Variants in GPR75 observed in about 807,000 individuals in gnomAD.
The protein encoded by GPR75 is probable G protein-coupled receptor 75.
In GPR75, 27 loss-of-function variants were observed where a neutral mutation model predicts 26.0. That is an observed-to-expected ratio of 1.04 (90% CI 0.77 to 1.43). GPR75 has a LOEUF of 1.43. GPR75 is among the 40% of genes most tolerant of loss of function. The pLI is 0.00. For synonymous variants in GPR75, 285 were observed against 256.3 expected, an observed-to-expected ratio of 1.11 and a Z score of -1.07; for missense variants, 699 against 662.3, an observed-to-expected ratio of 1.06 and a Z score of -0.61.
Position 53,853,910 on chromosome 2 carries a change from C to T in GPR75, c.847G>A (p.Val283Ile), listed in dbSNP as rs146624982. The T allele has an allele frequency of 1.5e-5, 25 of 1,613,890 alleles. No homozygotes were observed. Among genetic ancestry groups the T allele is most frequent in the African/African-American group, 9.3e-5 (7 of 74,872 alleles). The change falls in exon 2 of 2, where the codon GTT (valine) becomes ATT (isoleucine). Residue 283 changes from valine (V) to isoleucine (I), a missense_variant. By Grantham distance (29) the Val-to-Ile change is conservative. Transcript: ENST00000394705. ...RNQNYNKLQH[V>I]QTRGYTKSPN... is the part of the protein sequence containing the mutation. ...CTCTTGGTATATCCACGGGTCTGAA[C>T]GTGCTGCAGTTTGTTGTAATTCTGG...
At chr2:53,856,824 C>A (rs555412830) in intron 1 of GPR75, among the ~76,000 whole-genome samples, 1 of 152,162 alleles carries the variant, frequency 6.6e-6, no homozygotes, top group Non-Finnish European at 1.5e-5. Flanking sequence ...AGAAGAAAAT[C>A]CTGAACTTTT....
At chr2:53,858,685 T>C (rs573674905) in intron 1 of GPR75, among the ~76,000 whole-genome samples, 7 of 152,136 alleles carry the variant, frequency 4.6e-5, no homozygotes, top group Non-Finnish European at 7.4e-5. Context: ...GCTGTGACCA[T>C]AATTTGGAAT....
At chr2:53,855,057 G>A (rs1678191924) in intron 1 of GPR75, among the ~76,000 whole-genome samples, 192 bp from the exon 2 acceptor site, 1 of 151,972 alleles carries the variant, frequency 6.6e-6, no homozygotes, top group African/African-American at 2.4e-5. Flanking sequence ...CTGTGCTCAA[G>A]CAGTCCTCCT....
intron 1 of GPR75, among the ~76,000 whole-genome samples, chr2:53,857,920 A>T (rs1451332517): frequency 1.3e-5 from 2 of 152,186 alleles, no homozygotes; most frequent in African/African-American, 4.8e-5. Flanking sequence ...TCAGGAAATA[A>T]CAATGGCAGT....
In GPR75 at chr2:53,854,040, G is replaced by A; in HGVS notation, c.717C>T (p.Pro239=). 6.2e-7 allele frequency: 1 copy of A among 1,614,210 alleles called. No homozygotes were observed. The highest frequency in any genetic ancestry group is 8.5e-7 in the Non-Finnish European group (1 of 1,180,046). ...LRKNAQVRKC[P]PVITVDASRP... ...TGGAAGCATCGACTGTGATTACAGG[G>A]GGGCACTTTCTGACTTGAGCGTTCT... The change falls in exon 2 of 2, where the codon CCC becomes CCT. Residue 239 remains proline, a synonymous_variant. Coordinates refer to ENST00000394705, the MANE Select transcript of GPR75 (RefSeq NM_006794.4).
At chr2:53,854,953 A>G (rs2104393831) in intron 1 of GPR75, 88 bp from the exon 2 acceptor site, 1 of 581,588 alleles carries the variant, frequency 1.7e-6, no homozygotes, top group East Asian at 2.8e-5. Context: ...TATTAGTAGT[A>G]GTATTAGTAC....
In GPR75 at chr2:53,853,216, G is replaced by T. The variant is rs949945050; in HGVS notation, c.1541C>A (p.Ala514Asp). ...GTCATTAGTGGTGTGATAATGCATG[G>T]CAATATATGAATTGGCAAATCCAAA... ...NSFGFANSYI[A>D]MHYHTTNDLV... Residue 514 changes from alanine (A) to aspartate (D), a missense_variant, in exon 2 of 2, where the codon GCC becomes GAC. Ala to Asp is a moderately radical substitution (Grantham distance 126). Transcript: ENST00000394705. 8 of 1,613,430 alleles carry T rather than the reference G, an allele frequency of 5.0e-6. No homozygotes were observed. The African/African-American group carries it at 1.1e-4, about 22-fold the overall frequency.
At chr2:53,856,163 T>C (rs748372969) in intron 1 of GPR75, among the ~76,000 whole-genome samples, 1 of 152,220 alleles carries the variant, frequency 6.6e-6, no homozygotes, top group Non-Finnish European at 1.5e-5. Flanking sequence ...CAGTCTCTAC[T>C]TTAAAAGAAT....
chr2:53,856,988 G>T (rs1009112515), intron 1 of GPR75, among the ~76,000 whole-genome samples: 2 of 105,394 alleles, frequency 1.9e-5, no homozygotes, highest in African/African-American at 7.5e-5. Flanking sequence ...ACGGAGTCTC[G>T]CTCTGTCGCC....
rs1313386199 is a variant in GPR75, at chr2:53,854,164, C to G, written c.593G>C (p.Gly198Ala). 6.2e-7 allele frequency: 1 copy of G among 1,614,130 alleles called. No individual in the cohort carries two copies. Among genetic ancestry groups the G allele is most frequent in the Non-Finnish European group, 8.5e-7 (1 of 1,180,032 alleles). Residue 198 changes from glycine to alanine, a missense_variant, in exon 2 of 2, where the codon GGA (glycine) becomes GCA (alanine). By Grantham distance (60) the Gly-to-Ala change is moderately conservative (BLOSUM62 0). Coordinates refer to ENST00000394705, the MANE Select transcript of GPR75 (RefSeq NM_006794.4). Reference protein sequence around the residue: ...LCLPMSSLIAGKGKAILSLYV... With the variant: ...LCLPMSSLIAAKGKAILSLYV... ...GAGAGACAAAATGGCTTTCCCTTTTCCAGCAATCAGACTGGACATGGGAAG... is the reference window on the plus strand; with the variant it reads ...GAGAGACAAAATGGCTTTCCCTTTTGCAGCAATCAGACTGGACATGGGAAG...
At chr2:53,856,167 A>C (rs1451331884) in intron 1 of GPR75, among the ~76,000 whole-genome samples, 1 of 152,202 alleles carries the variant, frequency 6.6e-6, no homozygotes, top group Non-Finnish European at 1.5e-5. Context: ...CTCTACTTTA[A>C]AAGAATAACT....
Position 53,857,267 on chromosome 2 carries a change from G to A in GPR75, c.-109-2402C>T, listed in dbSNP as rs571349543. 6.3e-4 allele frequency among the ~76,000 whole-genome samples: 96 copies of A among 152,202 alleles called. 1 individual carries two copies. The South Asian group carries it at 0.019, about 30-fold the overall frequency. ...CAGGCGTGAGCCACCGCGCCCGGCC[G>A]AGAAAGACAATTTTTTACTGTTTTT... On this transcript the variant is annotated intron_variant, in intron 1 of 1. Coordinates refer to ENST00000394705, the MANE Select transcript of GPR75 (RefSeq NM_006794.4).
chr2:53,857,935 T>C (rs1381167307), intron 1 of GPR75, among the ~76,000 whole-genome samples: 1 of 152,116 alleles, frequency 6.6e-6, no homozygotes, highest in Non-Finnish European at 1.5e-5. Flanking sequence ...GGCAGTATAA[T>C]TATCAGCATC....
intron 1 of GPR75, among the ~76,000 whole-genome samples, chr2:53,856,481 CTGTT>C (rs1205825022): frequency 2.6e-5 from 4 of 152,224 alleles, no homozygotes; most frequent in Non-Finnish European, 4.4e-5. Flanking sequence ...AAGCCTCCAG[CTGTT>C]AACCCTTTAG....
intron 1 of GPR75, among the ~76,000 whole-genome samples, chr2:53,858,833 C>T (rs184110170): frequency 1.3e-5 from 2 of 152,016 alleles, no homozygotes; most frequent in East Asian, 1.9e-4. Context: ...ATCTCTGGGA[C>T]GGAGAATAGG....
In GPR75 at chr2:53,854,852, C is replaced by G; in HGVS notation, c.-96G>C. On this transcript the variant is annotated 5_prime_UTR_variant, in exon 2 of 2. Transcript: ENST00000394705. ...TGAGCAATATGTGACAAAAGAGGCC[C>G]AAGACAGATAAGCCTACACACAAAA... The G allele has an allele frequency of 2.2e-6, 2 of 909,464 alleles. No individual in the cohort carries two copies. Among genetic ancestry groups the G allele is most frequent in the Admixed American group, 2.3e-5 (1 of 43,826 alleles). The allele number at this position is 909,464 out of a possible 1,614,324, so 56.3% of individuals were successfully genotyped here. A position where few individuals can be genotyped will look rare whatever the true frequency, so the allele number is the denominator to read the frequency against.
chr2:53,858,093 A>T (rs1558630909), intron 1 of GPR75, among the ~76,000 whole-genome samples: 1 of 152,188 alleles, frequency 6.6e-6, no homozygotes, highest in Non-Finnish European at 1.5e-5. Flanking sequence ...ACCAAGTCAA[A>T]GAGAGGTTAT....
At position 53,854,663 on chromosome 2, in the gene GPR75, C is replaced by A. The variant is rs1048684737; in HGVS notation, c.94G>T (p.Gly32Cys). Residue 32 changes from glycine (G) to cysteine (C), a missense_variant, in exon 2 of 2, where the codon GGT (glycine) becomes TGT (cysteine). Physicochemically the swap from Gly to Cys is radical, Grantham distance 159. Coordinates refer to ENST00000394705, the MANE Select transcript of GPR75 (RefSeq NM_006794.4). ...GCTGTGTGGATGAGATCCTGAAGACCCTCCTGGAGAGAGGTGCTGTTTCCT... is the reference window on the plus strand; with the variant it reads ...GCTGTGTGGATGAGATCCTGAAGACACTCCTGGAGAGAGGTGCTGTTTCCT... ...QEGNSTSLQE[G>C]LQDLIHTATL... is the part of the protein sequence containing the mutation. The A allele has an allele frequency of 6.2e-7, 1 of 1,613,776 alleles. No homozygotes were observed. The highest frequency in any genetic ancestry group is 1.3e-5 in the African/African-American group (1 of 74,838).
chr2:53,859,656 G>A (rs1678325357), intron 1 of GPR75, among the ~76,000 whole-genome samples, 172 bp downstream of exon 1: 1 of 152,016 alleles, frequency 6.6e-6, no homozygotes, highest in Non-Finnish European at 1.5e-5. Context: ...AGCAGAGCCT[G>A]GGAACCGGCA....
Sources: gnomAD v4.1 joint callset for allele counts (sites outside exome capture counted in the v4.1 genomes callset) on GRCh38, gnomAD v4.1.1 for gene constraint, MANE v1.5 for transcripts, NCBI Gene and HGNC (gene_info 2026-07-23, HGNC 2026-07-21) for gene names.